The following LMBRD2 variants were observed in gnomAD, a reference collection of about 807,000 sequenced individuals.
The protein encoded by LMBRD2 is LMBR1 domain containing 2.
In LMBRD2, 55 loss-of-function variants were observed where a neutral mutation model predicts 94.4. The observed-to-expected ratio is 0.58, with a 90% CI of 0.47 to 0.73. The LOEUF (loss-of-function observed/expected upper bound fraction) is 0.73. LMBRD2 is among the 30% of genes least tolerant of loss of function. The pLI, the probability that LMBRD2 is intolerant of heterozygous loss-of-function variation, is 0.00. For missense variants in LMBRD2, 640 were observed against 831.9 expected (o/e 0.77, Z 2.84); for synonymous variants, 246 against 272.4 (o/e 0.90, Z 0.95).
intron 6 of LMBRD2, among the ~76,000 whole-genome samples, chr5:36,129,577 G>A (rs547775349): frequency 2.3e-4 from 35 of 152,128 alleles, no homozygotes; most frequent in Non-Finnish European, 3.8e-4. Flanking sequence ...GAGAGATTTC[G>A]TCCATACCAG....
chr5:36,103,932 G>T lies in LMBRD2; in HGVS notation c.*114C>A. ...ATAATTAATTCTCAGTGCCTTTTTT[G>T]TTATCTTGACACTTTTCACTGTGTA... is the stretch of plus-strand genomic sequence containing the variant. On this transcript the variant is annotated 3_prime_UTR_variant, in exon 18 of 18. Coordinates refer to ENST00000296603, the MANE Select transcript of LMBRD2 (RefSeq NM_001007527.2). 5.9e-6 allele frequency: 4 copies of T among 679,120 alleles called. No individual in the cohort carries two copies. The Admixed American group carries it at 7.9e-5, about 13-fold the overall frequency. The allele number at this position is 679,120 out of a possible 1,614,324, so 42.1% of individuals were successfully genotyped here. A position where few individuals can be genotyped will look rare whatever the true frequency, so the allele number is the denominator to read the frequency against.
At chr5:36,131,166 C>T (rs1339506254) in intron 6 of LMBRD2, among the ~76,000 whole-genome samples, 3 of 151,984 alleles carry the variant, frequency 2.0e-5, no homozygotes, top group Admixed American at 6.6e-5. Flanking sequence ...ACTAGGAATA[C>T]AAGAATGGTT....
rs371000455 is a variant in LMBRD2, at chr5:36,146,941, A to AGTGT, written c.-57-3539_-57-3536dup. ...CTCTGCGTGTGTGTGTGTGTGTGTG[A>AGTGT]GTGTGTGTGTGTGTGTGTGTGTGTG... On this transcript the variant is annotated intron_variant, in intron 1 of 17. Coordinates refer to ENST00000296603, the MANE Select transcript of LMBRD2 (RefSeq NM_001007527.2). Among the ~76,000 whole-genome samples, 145 of 139,466 alleles carry AGTGT rather than the reference A, an allele frequency of 1.0e-3. 1 individual carries two copies. The highest frequency in any genetic ancestry group is 2.8e-3 in the South Asian group (12 of 4,224). The allele number at this position is 139,466 out of a possible 152,430, so 91.5% of individuals were successfully genotyped here. A position where few individuals can be genotyped will look rare whatever the true frequency, so the allele number is the denominator to read the frequency against.
At chr5:36,126,275 T>C (rs552518421) in intron 6 of LMBRD2, among the ~76,000 whole-genome samples, 6 of 152,234 alleles carry the variant, frequency 3.9e-5, no homozygotes, top group Non-Finnish European at 5.9e-5. Flanking sequence ...ATATTATATG[T>C]GAAATACCAT....
intron 2 of LMBRD2, chr5:36,142,870 G>A (rs1308385332): frequency 1.1e-5 from 4 of 373,350 alleles, no homozygotes; most frequent in Non-Finnish European, 1.9e-5. Context: ...GACTACAGGC[G>A]TCCGCCACCA....
At chr5:36,127,810 C>T (rs1744040867) in intron 6 of LMBRD2, among the ~76,000 whole-genome samples, 1 of 152,002 alleles carries the variant, frequency 6.6e-6, no homozygotes, top group African/African-American at 2.4e-5. Flanking sequence ...CTGGACACAC[C>T]CCAACTCAGG....
chr5:36,150,659 T>C (rs986566093), intron 1 of LMBRD2, among the ~76,000 whole-genome samples: 2 of 152,248 alleles, frequency 1.3e-5, no homozygotes, highest in African/African-American at 2.4e-5. Context: ...ATGCTTTCCA[T>C]ATAACATTAG....
At position 36,099,721 on chromosome 5, in the gene LMBRD2, A is replaced by G. The variant is rs906696800; in HGVS notation, c.*4325T>C. 27 of 152,188 alleles carry G rather than the reference A, an allele frequency of 1.8e-4. No individual in the cohort carries two copies. Among genetic ancestry groups the G allele is most frequent in the African/African-American group, 6.5e-4 (27 of 41,462 alleles). 9.4% of individuals were successfully genotyped at this position (152,188 alleles called of 1,614,324 possible). ...CTGAGATCAAGATAACCAAAAAAGGAAATATTTTCAGTGAAAAAAAGTTAA... is the reference window on the plus strand; with the variant it reads ...CTGAGATCAAGATAACCAAAAAAGGGAATATTTTCAGTGAAAAAAAGTTAA... On this transcript the variant is annotated 3_prime_UTR_variant, in exon 18 of 18. Transcript: ENST00000296603.
At chr5:36,126,073 C>T (rs991320284) in intron 6 of LMBRD2, among the ~76,000 whole-genome samples, 1 of 152,112 alleles carries the variant, frequency 6.6e-6, no homozygotes, top group African/African-American at 2.4e-5. Flanking sequence ...CCTAGAAGCC[C>T]TTAATCATGG....
rs1213221742 is a variant in LMBRD2 at position 36,100,857 on chromosome 5, C to T, written c.*3189G>A. 1 of 151,956 alleles carries T rather than the reference C, an allele frequency of 6.6e-6. No individual in the cohort carries two copies. Among genetic ancestry groups the T allele is most frequent in the African/African-American group, 2.4e-5 (1 of 41,390 alleles). 9.4% of individuals were successfully genotyped at this position (151,956 alleles called of 1,614,324 possible). A position where few individuals can be genotyped will look rare whatever the true frequency, so the allele number is the denominator to read the frequency against. On this transcript the variant is annotated 3_prime_UTR_variant, in exon 18 of 18. Transcript: ENST00000296603. The stretch of plus-strand genomic sequence containing the variant: ...CTATTAATAAGAATGAGGTTTGTAA[C>T]TGAATGTAAATTAAATTGCTCCATT...
At chr5:36,136,275 G>C (rs1308550448) in intron 6 of LMBRD2, 34 bp downstream of exon 6, 1 of 1,591,490 alleles carries the variant, frequency 6.3e-7, no homozygotes, top group Admixed American at 1.7e-5. Context: ...ATATGACTTA[G>C]TGACTATTGC....
At chr5:36,122,702 A>T (rs1485165007) in intron 8 of LMBRD2, 146 bp downstream of exon 8, 6 of 1,115,948 alleles carry the variant, frequency 5.4e-6, no homozygotes, top group Admixed American at 6.7e-5. Context: ...GTATACACAG[A>T]GATAAAATAT....
chr5:36,123,727 A>G (rs1743940964), intron 7 of LMBRD2, among the ~76,000 whole-genome samples: 1 of 149,698 alleles, frequency 6.7e-6, no homozygotes. Context: ...ATATAAATAT[A>G]AATATAGTTA....
rs939472371 is a variant in LMBRD2 at position 36,100,047 on chromosome 5, CAA to C, written c.*3997_*3998del. 1.1e-4 allele frequency: 16 copies of C among 152,078 alleles called. No individual in the cohort carries two copies. Among genetic ancestry groups the C allele is most frequent in the African/African-American group, 3.1e-4 (13 of 41,518 alleles). The allele number at this position is 152,078 out of a possible 1,614,324, so 9.4% of individuals were successfully genotyped here. On this transcript the variant is annotated 3_prime_UTR_variant, in exon 18 of 18. Transcript: ENST00000296603. ...TTGCCCAGTCTTCCAAGTCTCTGGG[CAA>C]AAAGTCACTGAGTTGGAAAGAAGTA...
intron 9 of LMBRD2, among the ~76,000 whole-genome samples, chr5:36,119,762 C>T (rs1428542396): frequency 1.3e-5 from 2 of 152,170 alleles, no homozygotes; most frequent in Non-Finnish European, 2.9e-5. Flanking sequence ...CTCCTCAAAT[C>T]TCTAAAATCT....
At position 36,143,175 on chromosome 5, in the gene LMBRD2, C is replaced by G. The variant is rs1199205021; in HGVS notation, c.174+1G>C. 6.3e-7 allele frequency: 1 copy of G among 1,584,436 alleles called. No homozygotes were observed. Among genetic ancestry groups the G allele is most frequent in the Non-Finnish European group, 8.6e-7 (1 of 1,164,518 alleles). On this transcript the variant is annotated splice_donor_variant, in intron 2 of 17. Coordinates refer to ENST00000296603, the MANE Select transcript of LMBRD2 (RefSeq NM_001007527.2). LOFTEE classifies it high-confidence loss of function. ...TTGTGAAAATAAATTTCACTCCTTA[C>G]CGTACTAACATCCAGAGGCAGTATG...
chr5:36,120,925 C>T (rs908012305), intron 9 of LMBRD2, among the ~76,000 whole-genome samples: 2 of 152,124 alleles, frequency 1.3e-5, no homozygotes, highest in African/African-American at 4.8e-5. Context: ...ACTTCTCATC[C>T]ACCTAATCTC....
At chr5:36,117,083 TG>T (rs1179133191) in intron 10 of LMBRD2, among the ~76,000 whole-genome samples, 1 of 152,074 alleles carries the variant, frequency 6.6e-6, no homozygotes, top group Non-Finnish European at 1.5e-5. Context: ...CACTTCAAAC[TG>T]TTTAACATCC....
rs1744529459 is a variant in LMBRD2, at chr5:36,146,037, T to C, written c.-57-2631A>G. On this transcript the variant is annotated intron_variant, in intron 1 of 17. Transcript: ENST00000296603. The stretch of plus-strand genomic sequence containing the variant: ...ACCTGACACTAGCTATTAATTTTTT[T>C]ACTATGGCACTCTGTTTTTCAGTCT... 2.0e-5 allele frequency among the ~76,000 whole-genome samples: 3 copies of C among 152,230 alleles called. No individual in the cohort carries two copies. The South Asian group carries it at 6.2e-4, about 32-fold the overall frequency.
Sources: gnomAD v4.1 joint callset for allele counts (sites outside exome capture counted in the v4.1 genomes callset) on GRCh38, gnomAD v4.1.1 for gene constraint, MANE v1.5 for transcripts, NCBI Gene and HGNC (gene_info 2026-07-23, HGNC 2026-07-21) for gene names.